MAP9: variants seen among roughly 807,000 people sequenced by gnomAD.
MAP9 encodes microtubule associated protein 9.
In MAP9, 80 loss-of-function variants were observed where a neutral mutation model predicts 75.2. The ratio of observed to expected loss-of-function variants is 1.06; its 90% CI spans 0.89 to 1.28. MAP9 has a LOEUF of 1.28. MAP9 is among the 50% of genes most tolerant of loss of function. The pLI is 0.00. For synonymous variants in MAP9, 235 were observed against 237.3 expected, an observed-to-expected ratio of 0.99 and a Z score of 0.09; for missense variants, 753 against 719.9, an observed-to-expected ratio of 1.05 and a Z score of -0.53.
At chr4:155,370,610 A>C (rs1329664428) in intron 4 of MAP9, among the ~76,000 whole-genome samples, 2 of 152,140 alleles carry the variant, frequency 1.3e-5, no homozygotes, top group East Asian at 3.9e-4. Context: ...CAGTTTAAGC[A>C]GAATATTATA....
chr4:155,373,360 G>A lies in MAP9; in HGVS notation c.257C>T (p.Pro86Leu), dbSNP rs1441527842. The A allele has an allele frequency of 6.2e-7, 1 of 1,611,652 alleles. No individual in the cohort carries two copies. Among genetic ancestry groups the A allele is most frequent in the Non-Finnish European group, 8.5e-7 (1 of 1,178,408 alleles). ...FHISDDEEKN[P>L]SKLLFLKTNK... is the part of the protein sequence containing the mutation. ...GGTTTTCAAAAACAATAGTTTTGAAGGATTCTTTTCTTCATCATCTGATAT... is the reference window on the plus strand; with the variant it reads ...GGTTTTCAAAAACAATAGTTTTGAAAGATTCTTTTCTTCATCATCTGATAT... The change falls in exon 4 of 14, where the codon CCT (proline) becomes CTT (leucine). Residue 86 changes from proline to leucine, a missense_variant. Pro to Leu is a moderately conservative substitution (Grantham distance 98). Coordinates refer to ENST00000311277, the MANE Select transcript of MAP9 (RefSeq NM_001039580.2).
In MAP9 at chr4:155,373,466, G is replaced by GA; in HGVS notation, c.161-11_161-10insT. On this transcript the variant is annotated splice_polypyrimidine_tract_variant and intron_variant, in intron 3 of 13. Transcript: ENST00000311277. ...AAATCACCTAAAGAAACTGAAAAATGGAAAAGAAAAATGTTTTCAACAGTA... is the reference window on the plus strand; with the variant it reads ...AAATCACCTAAAGAAACTGAAAAATGAGAAAAGAAAAATGTTTTCAACAGTA... 7.0e-7 allele frequency: 1 copy of GA among 1,430,374 alleles called. No individual in the cohort carries two copies. Among genetic ancestry groups the GA allele is most frequent in the African/African-American group, 2.4e-5 (1 of 41,490 alleles). The allele number at this position is 1,430,374 out of a possible 1,614,324, so 88.6% of individuals were successfully genotyped here.
chr4:155,356,011 A>G (rs1398432435), intron 8 of MAP9, 127 bp from the exon 9 acceptor site: 1 of 856,804 alleles, frequency 1.2e-6, no homozygotes. Context: ...CTGTAATCCC[A>G]GCACTTTGGA....
intron 3 of MAP9, among the ~76,000 whole-genome samples, chr4:155,374,736 A>T: frequency 6.6e-6 from 1 of 152,234 alleles, no homozygotes; most frequent in East Asian, 1.9e-4. Flanking sequence ...AACAACAATA[A>T]AAAAAGAAAA....
At chr4:155,369,696 A>G (rs1199039681) in intron 4 of MAP9, among the ~76,000 whole-genome samples, 1 of 152,200 alleles carries the variant, frequency 6.6e-6, no homozygotes, top group Non-Finnish European at 1.5e-5. Flanking sequence ...AAAGATGATG[A>G]TGTTGGCACT....
chr4:155,369,061 G>A (rs1411551360), intron 4 of MAP9, among the ~76,000 whole-genome samples: 1 of 152,104 alleles, frequency 6.6e-6, no homozygotes, highest in Admixed American at 6.5e-5. Flanking sequence ...GGTGACTCAC[G>A]CCTGTAATCC....
At chr4:155,371,314 G>A (rs1291573109) in intron 4 of MAP9, among the ~76,000 whole-genome samples, 1 of 151,554 alleles carries the variant, frequency 6.6e-6, no homozygotes, top group East Asian at 1.9e-4. Context: ...GAATTTAGAG[G>A]ATAAACTCAT....
intron 4 of MAP9, among the ~76,000 whole-genome samples, chr4:155,372,324 T>A (rs1732637681): frequency 6.6e-6 from 1 of 152,236 alleles, no homozygotes; most frequent in East Asian, 1.9e-4. Flanking sequence ...GAGATTTTTA[T>A]GAAGGTTAAC....
Position 155,362,132 on chromosome 4 carries a change from A to C in MAP9, c.718T>G (p.Leu240Val), listed in dbSNP as rs746329692. The C allele has an allele frequency of 1.9e-6, 3 of 1,574,516 alleles. No individual in the cohort carries two copies. Among genetic ancestry groups the C allele is most frequent in the African/African-American group, 2.8e-5 (2 of 72,336 alleles). Residue 240 changes from leucine to valine, a missense_variant, in exon 6 of 14, where the codon TTA becomes GTA. Transcript: ENST00000311277. ...AGTGATGATGATGCTAGACTTGTTA[A>C]GCATGAATCCTGTTTTCGCAAAAAA... is the stretch of plus-strand genomic sequence containing the variant. ...SENLDPEDSC[L>V]TSLASSSLKQ...
At chr4:155,372,967 A>G in intron 4 of MAP9, 169 bp downstream of exon 4, 1 of 499,830 alleles carries the variant, frequency 2.0e-6, no homozygotes, top group Non-Finnish European at 3.4e-6. Context: ...GACAAAATAC[A>G]ACAGGTCTGT....
Position 155,344,472 on chromosome 4 carries a change from C to T in MAP9, c.*3311G>A, listed in dbSNP as rs1301116380. Reference sequence around the variant, plus strand: ...CAACTTAGAAATAAAACAGTTTAGGCCAGGTTTATTAAAGTATTAAAACCC... The same window carrying T: ...CAACTTAGAAATAAAACAGTTTAGGTCAGGTTTATTAAAGTATTAAAACCC... On this transcript the variant is annotated 3_prime_UTR_variant, in exon 14 of 14. Coordinates refer to ENST00000311277, the MANE Select transcript of MAP9 (RefSeq NM_001039580.2). 1.3e-5 allele frequency: 2 copies of T among 151,432 alleles called. No individual in the cohort carries two copies. Among genetic ancestry groups the T allele is most frequent in the Admixed American group, 1.3e-4 (2 of 15,196 alleles). The allele number at this position is 151,432 out of a possible 1,614,324, so 9.4% of individuals were successfully genotyped here.
chr4:155,342,675 C>T lies in MAP9; in HGVS notation c.*5108G>A, dbSNP rs1423371508. On this transcript the variant is annotated 3_prime_UTR_variant, in exon 14 of 14. Coordinates refer to ENST00000311277, the MANE Select transcript of MAP9 (RefSeq NM_001039580.2). ...GCATCTAGTTTTATTTATAACATTT[C>T]CTTTATTTATCAACAGCAACGATAT... is the stretch of plus-strand genomic sequence containing the variant. 6.6e-6 allele frequency: 1 copy of T among 151,972 alleles called. No individual in the cohort carries two copies. The highest frequency in any genetic ancestry group is 1.5e-5 in the Non-Finnish European group (1 of 67,954). 9.4% of individuals were successfully genotyped at this position (151,972 alleles called of 1,614,324 possible).
At chr4:155,349,972 C>G in intron 13 of MAP9, 1 of 211,008 alleles carries the variant, frequency 4.7e-6, no homozygotes. Flanking sequence ...TTAAAAGAAC[C>G]TTGTTAAAAA....
At chr4:155,350,879 T>C (rs997439448) in intron 13 of MAP9, 3 of 151,996 alleles carry the variant, frequency 2.0e-5, no homozygotes, top group Non-Finnish European at 4.4e-5. Flanking sequence ...TCTCAAGTCT[T>C]CATTTGTGTT....
At chr4:155,371,637 A>G (rs554964116) in intron 4 of MAP9, among the ~76,000 whole-genome samples, 65 of 151,886 alleles carry the variant, frequency 4.3e-4, no homozygotes, top group Non-Finnish European at 7.2e-4. Flanking sequence ...CATTGCATAT[A>G]TAAGTAGAGC....
chr4:155,362,305 G>A (rs956326251), intron 5 of MAP9, 164 bp from the exon 6 acceptor site: 1 of 509,218 alleles, frequency 2.0e-6, no homozygotes, highest in African/African-American at 2.0e-5. Flanking sequence ...GCCAATGGAG[G>A]TAAGCATGCT....
At chr4:155,371,391 T>C (rs1732588061) in intron 4 of MAP9, among the ~76,000 whole-genome samples, 1 of 152,056 alleles carries the variant, frequency 6.6e-6, no homozygotes, top group Non-Finnish European at 1.5e-5. Context: ...ATACTTATTA[T>C]ATATGCCAGA....
chr4:155,347,961 A>G (rs1731343495), intron 13 of MAP9, 56 bp from the exon 14 acceptor site: 1 of 1,132,474 alleles, frequency 8.8e-7, no homozygotes, highest in African/African-American at 1.6e-5. Context: ...ATTATTTTCA[A>G]ATCAGGTTGC....
At chr4:155,348,206 G>A (rs966834108) in intron 13 of MAP9, among the ~76,000 whole-genome samples, 44 of 151,370 alleles carry the variant, frequency 2.9e-4, no homozygotes, top group African/African-American at 1.0e-3. Flanking sequence ...GTGTGGCGGT[G>A]CATGCCTATA....
Sources: allele counts gnomAD v4.1 joint callset (sites outside exome capture counted in the v4.1 genomes callset), GRCh38; gene constraint gnomAD v4.1.1; transcripts MANE v1.5; gene names NCBI Gene and HGNC (gene_info 2026-07-23, HGNC 2026-07-21).